DLGAP2: variants seen among roughly 807,000 people sequenced by gnomAD.
The protein encoded by DLGAP2 is disks large-associated protein 2.
A neutral mutation model predicts 100.3 loss-of-function variants in DLGAP2; 26 were observed. That is an observed-to-expected ratio of 0.26 (90% CI 0.19 to 0.36). The LOEUF (loss-of-function observed/expected upper bound fraction) is 0.36, where lower values mean the gene tolerates loss of function less well. Ranked by LOEUF, DLGAP2 falls within the 10% of genes least tolerant of loss-of-function variation. The probability of loss-of-function intolerance (pLI) is 1.00; values close to 1 mark genes in which losing one functional copy is unlikely to be tolerated. For synonymous variants in DLGAP2, 886 were observed against 630.1 expected (o/e 1.41, Z -6.08); for missense variants, 1,858 against 1,453.2 (o/e 1.28, Z -4.53).
intron 2 of DLGAP2, among the ~76,000 whole-genome samples, chr8:1,236,053 T>G (rs1366301417): frequency 1.3e-5 from 1 of 76,758 alleles, no homozygotes; most frequent in Non-Finnish European, 2.4e-5. Context: ...CTCTCTCACA[T>G]GGCACCGTGT....
At chr8:1,010,327 A>T (rs949158982) in intron 2 of DLGAP2, among the ~76,000 whole-genome samples, 1 of 151,854 alleles carries the variant, frequency 6.6e-6, no homozygotes, top group Non-Finnish European at 1.5e-5. Flanking sequence ...ACATACACAC[A>T]TGTGCCCACA....
At chr8:1,082,278 A>G (rs1042959913) in intron 2 of DLGAP2, among the ~76,000 whole-genome samples, 13 of 152,306 alleles carry the variant, frequency 8.5e-5, no homozygotes, top group African/African-American at 2.6e-4. Context: ...AAATTTTTGC[A>G]AAAACAGGAA....
chr8:1,542,094 A>G lies in DLGAP2; in HGVS notation c.173-6532A>G, dbSNP rs78647565. 3.0e-3 allele frequency among the ~76,000 whole-genome samples: 455 copies of G among 152,370 alleles called. 18 individuals are homozygous for G. The East Asian group carries it at 0.067, about 23-fold the overall frequency. ...GGAGATTTAGAAGCAAAAAATAAAC[A>G]TAACTGCTTTCCTAAATGTTATGAA... On this transcript the variant is annotated intron_variant, in intron 4 of 14. Coordinates refer to ENST00000637795, the MANE Select transcript of DLGAP2 (RefSeq NM_001346810.2).
intron 2 of DLGAP2, among the ~76,000 whole-genome samples, chr8:1,038,348 G>C (rs1348777165): frequency 6.6e-6 from 1 of 152,134 alleles, no homozygotes; most frequent in Non-Finnish European, 1.5e-5. Flanking sequence ...GACTGTGGGA[G>C]CCTCTGTGTG....
At chr8:1,374,240 G>A (rs949329751) in intron 3 of DLGAP2, among the ~76,000 whole-genome samples, 1 of 152,086 alleles carries the variant, frequency 6.6e-6, no homozygotes, top group Non-Finnish European at 1.5e-5. Flanking sequence ...CACGTTTGTA[G>A]AGGGCTGTGT....
chr8:1,024,639 A>G (rs1368328824), intron 2 of DLGAP2, among the ~76,000 whole-genome samples: 1 of 152,196 alleles, frequency 6.6e-6, no homozygotes, highest in African/African-American at 2.4e-5. Flanking sequence ...GACTGGAGAC[A>G]GAACTAAAAC....
At chr8:1,536,238 A>G (rs929547245) in intron 4 of DLGAP2, among the ~76,000 whole-genome samples, 4 of 152,128 alleles carry the variant, frequency 2.6e-5, no homozygotes, top group Non-Finnish European at 1.5e-5. Context: ...AACTTGGGAA[A>G]GTCACCTTCT....
chr8:1,564,915 C>T (rs1802335827), intron 5 of DLGAP2, among the ~76,000 whole-genome samples: 2 of 151,970 alleles, frequency 1.3e-5, no homozygotes, highest in Admixed American at 1.3e-4. Flanking sequence ...AGACATATAA[C>T]ATGCGTGGGT....
intron 2 of DLGAP2, among the ~76,000 whole-genome samples, chr8:1,155,673 C>T (rs979186896): frequency 1.3e-5 from 2 of 151,682 alleles, no homozygotes; most frequent in African/African-American, 4.9e-5. Context: ...CCAGGCCCCT[C>T]CGAGGCCCCC....
chr8:1,106,618 G>A (rs1229987559), intron 2 of DLGAP2, among the ~76,000 whole-genome samples: 2 of 149,328 alleles, frequency 1.3e-5, no homozygotes, highest in African/African-American at 2.5e-5. Context: ...TTCTAGGAGG[G>A]TTTTCTATTG....
intron 3 of DLGAP2, among the ~76,000 whole-genome samples, chr8:1,373,175 C>CG (rs1802288882): frequency 1.3e-5 from 2 of 152,264 alleles, no homozygotes; most frequent in South Asian, 4.1e-4. Context: ...GCCGTTGGAG[C>CG]GTTTGCATTT....
chr8:1,378,851 C>T (rs902871522), intron 3 of DLGAP2, among the ~76,000 whole-genome samples: 1 of 152,176 alleles, frequency 6.6e-6, no homozygotes, highest in African/African-American at 2.4e-5. Context: ...GAGTCTGTGC[C>T]GTCCCCTTCA....
At chr8:765,497 A>T (rs1821186586) in intron 1 of DLGAP2, among the ~76,000 whole-genome samples, 4 of 152,164 alleles carry the variant, frequency 2.6e-5, no homozygotes. Flanking sequence ...ATTGCCAGAT[A>T]CGTGGCATTT....
At position 1,481,471 on chromosome 8, in the gene DLGAP2, CTTTTTTTTTT is replaced by C. The variant is rs1165790168; in HGVS notation, c.107-19880_107-19871del. On this transcript the variant is annotated intron_variant, in intron 3 of 14. Transcript: ENST00000637795. Reference sequence around the variant, plus strand: ...GGATTTTCTTTTTCTTTTTCTTTTTCTTTTTTTTTTTTTTTTTTTTTTTTGAGATGGAGTT... The same window carrying C: ...GGATTTTCTTTTTCTTTTTCTTTTTCTTTTTTTTTTTTTTGAGATGGAGTT... Among the ~76,000 whole-genome samples, 15 of 43,704 alleles carry C rather than the reference CTTTTTTTTTT, an allele frequency of 3.4e-4. No homozygotes were observed. In the South Asian group the frequency reaches 6.5e-3, roughly 19 times the overall value. The allele number at this position is 43,704 out of a possible 152,430, so 28.7% of individuals were successfully genotyped here. A position where few individuals can be genotyped will look rare whatever the true frequency, so the allele number is the denominator to read the frequency against.
chr8:1,327,152 C>T (rs1376680742), intron 3 of DLGAP2, among the ~76,000 whole-genome samples: 4 of 152,238 alleles, frequency 2.6e-5, no homozygotes, highest in South Asian at 2.1e-4. Flanking sequence ...AGCGAGATTA[C>T]AGTTCCGAGG....
At chr8:808,713 T>A (rs1487453717) in intron 1 of DLGAP2, among the ~76,000 whole-genome samples, 3 of 152,130 alleles carry the variant, frequency 2.0e-5, no homozygotes, top group African/African-American at 7.2e-5. Flanking sequence ...GTGTGGGCCA[T>A]CTCAGGGCAG....
chr8:1,569,967 A>T (rs1460242308), intron 6 of DLGAP2, among the ~76,000 whole-genome samples: 2 of 152,068 alleles, frequency 1.3e-5, no homozygotes, highest in African/African-American at 2.4e-5. Context: ...TGTGGAGGGC[A>T]GTGGCGGAGG....
chr8:1,626,993 A>G (rs1797522433), intron 7 of DLGAP2, 106 bp downstream of exon 7: 1 of 1,381,026 alleles, frequency 7.2e-7, no homozygotes, highest in Non-Finnish European at 9.8e-7. Context: ...CCTGGTCAGC[A>G]GCACTTGGGC....
At chr8:1,517,767 C>T (rs925398942) in intron 4 of DLGAP2, among the ~76,000 whole-genome samples, 2 of 152,170 alleles carry the variant, frequency 1.3e-5, no homozygotes, top group African/African-American at 2.4e-5. Flanking sequence ...GGCAAGAAGT[C>T]GATGTCCAGC....
Sources: gnomAD v4.1 joint callset for allele counts (sites outside exome capture counted in the v4.1 genomes callset) on GRCh38, gnomAD v4.1.1 for gene constraint, MANE v1.5 for transcripts, NCBI Gene and HGNC (gene_info 2026-07-23, HGNC 2026-07-21) for gene names.